The following TXNDC5 variants were observed in gnomAD, a reference collection of about 807,000 sequenced individuals.
TXNDC5 encodes thioredoxin domain-containing protein 5.
Under a neutral mutation model 52.6 loss-of-function variants are expected in TXNDC5, and 44 were observed. That is an observed-to-expected ratio of 0.84 (90% CI 0.66 to 1.08). The LOEUF (loss-of-function observed/expected upper bound fraction) is 1.08, where lower values mean the gene tolerates loss of function less well. Ranked by LOEUF, TXNDC5 falls within the 50% of genes least tolerant of loss-of-function variation. The pLI is 0.00. For synonymous variants in TXNDC5, 241 were observed against 234.4 expected, an observed-to-expected ratio of 1.03 and a Z score of -0.26; for missense variants, 600 against 565.5, an observed-to-expected ratio of 1.06 and a Z score of -0.62.
At position 7,895,129 on chromosome 6, in the gene TXNDC5, T is replaced by C; in HGVS notation, c.593A>G (p.Asn198Ser). The change falls in exon 4 of 10, where the codon AAC becomes AGC. Residue 198 changes from asparagine (N) to serine (S), a missense_variant. Asn to Ser is a conservative substitution (Grantham distance 46). Transcript: ENST00000379757. ...KQGLYELSAS[N>S]FELHVAQGDH... ...ACCTTGTGCAACGTGCAGCTCAAAG[T>C]TGCTTGCTGAGAGCTCATACAGCCC... The C allele has an allele frequency of 1.2e-6, 2 of 1,613,870 alleles. No individual in the cohort carries two copies. Among genetic ancestry groups the C allele is most frequent in the South Asian group, 1.1e-5 (1 of 90,922 alleles).
intron 1 of TXNDC5, chr6:7,909,857 T>C (rs1439902428): frequency 3.0e-6 from 3 of 985,904 alleles, no homozygotes; most frequent in East Asian, 2.3e-4. Context: ...GAAGGGGACG[T>C]GCCCGCAGTC....
intron 3 of TXNDC5, among the ~76,000 whole-genome samples, chr6:7,897,152 A>G (rs925772193): frequency 6.6e-5 from 10 of 152,372 alleles, no homozygotes; most frequent in African/African-American, 1.9e-4. Context: ...ATAAAATAAT[A>G]TAAGACATGA....
At chr6:7,896,678 C>G (rs987303667) in intron 3 of TXNDC5, among the ~76,000 whole-genome samples, 2 of 152,190 alleles carry the variant, frequency 1.3e-5, no homozygotes, top group Non-Finnish European at 2.9e-5. Flanking sequence ...AGTGAACAGT[C>G]AATGGGTGCA....
chr6:7,901,825 A>G (rs1226908957), intron 2 of TXNDC5, among the ~76,000 whole-genome samples: 3 of 152,248 alleles, frequency 2.0e-5, no homozygotes, highest in Non-Finnish European at 4.4e-5. Flanking sequence ...CAGCATGATG[A>G]AAGTTCTACT....
In TXNDC5 at chr6:7,885,956, C is replaced by G; in HGVS notation, c.1046+5G>C. On this transcript the variant is annotated splice_donor_5th_base_variant and intron_variant, in intron 8 of 9. Coordinates refer to ENST00000379757, the MANE Select transcript of TXNDC5 (RefSeq NM_030810.5). ...AAAGTAGTTTCTAATTAAACAGCCA[C>G]TTACCATGGAGCATAAAACTTGATG... The G allele has an allele frequency of 6.2e-7, 1 of 1,613,742 alleles. No individual in the cohort carries two copies.
At position 7,889,574 on chromosome 6, in the gene TXNDC5, C is replaced by T. The variant is rs1760122120; in HGVS notation, c.740G>A (p.Cys247Tyr). ...SETVKIGKVD[C>Y]TQHYELCSGN... ...GGAGCAGAGTTCATAGTGCTGTGTA[C>T]AATCAACCTGAGAATAAAAGCAGAT... is the stretch of plus-strand genomic sequence containing the variant. Residue 247 changes from cysteine (C) to tyrosine (Y), a missense_variant, in exon 6 of 10, where the codon TGT becomes TAT. Cys to Tyr is a radical substitution (Grantham distance 194). Transcript: ENST00000379757. 6.2e-7 allele frequency: 1 copy of T among 1,608,944 alleles called. No homozygotes were observed. Among genetic ancestry groups the T allele is most frequent in the African/African-American group, 1.3e-5 (1 of 74,896 alleles).
intron 6 of TXNDC5, chr6:7,889,239 GCA>G (rs990781711): frequency 6.2e-6 from 3 of 485,538 alleles, no homozygotes; most frequent in African/African-American, 5.8e-5. Flanking sequence ...TACAACCAGA[GCA>G]CAGTTACCCT....
intron 7 of TXNDC5, among the ~76,000 whole-genome samples, chr6:7,886,776 T>C (rs1182101960): frequency 6.6e-6 from 1 of 152,190 alleles, no homozygotes; most frequent in Non-Finnish European, 1.5e-5. Context: ...AGAGCAGGAA[T>C]GGGATGATTT....
At chr6:7,900,040 T>C (rs1017640920) in intron 2 of TXNDC5, 1 of 160,986 alleles carries the variant, frequency 6.2e-6, no homozygotes, top group Non-Finnish European at 1.4e-5. Flanking sequence ...AGTTGTTGTC[T>C]GTGTTCAAAT....
At chr6:7,885,922 C>T (rs1759957353) in intron 8 of TXNDC5, 39 bp downstream of exon 8, 6 of 1,597,940 alleles carry the variant, frequency 3.8e-6, no homozygotes, top group Non-Finnish European at 5.1e-6. Flanking sequence ...TGACTTAGTA[C>T]ACATGGACAA....
intron 8 of TXNDC5, 56 bp downstream of exon 8, chr6:7,885,905 C>T: frequency 6.5e-7 from 1 of 1,547,348 alleles, no homozygotes; most frequent in South Asian, 1.2e-5. Context: ...AGCTGAAAAA[C>T]ATGATGTGAC....
chr6:7,885,261 G>A (rs533719145), intron 8 of TXNDC5, among the ~76,000 whole-genome samples: 1 of 152,322 alleles, frequency 6.6e-6, no homozygotes, highest in East Asian at 1.9e-4. Flanking sequence ...ATCTACTGTT[G>A]TCCTAACACT....
In TXNDC5 at chr6:7,899,622, TG is replaced by T; in HGVS notation, c.472del (p.Gln158ArgfsTer11). Reference sequence around the variant, plus strand: ...CTGCAGCATCCAGTTTTCCAGTGTCTGGAAGTCCCGAGGACCCTGGTACTTC... The same window carrying T: ...CTGCAGCATCCAGTTTTCCAGTGTCTGAAGTCCCGAGGACCCTGGTACTTC... ...AVKYQGPRDF[Q>X]TLENWMLQTL... On this transcript the variant is annotated frameshift_variant, in exon 3 of 10. Transcript: ENST00000379757. LOFTEE classifies it high-confidence loss of function. 1 of 1,614,168 alleles carries T rather than the reference TG, an allele frequency of 6.2e-7. No homozygotes were observed. The highest frequency in any genetic ancestry group is 1.7e-5 in the Admixed American group (1 of 60,024).
At chr6:7,883,287 A>T (rs780029317) in intron 9 of TXNDC5, 21 bp from the exon 10 acceptor site, 1 of 1,610,638 alleles carries the variant, frequency 6.2e-7, no homozygotes, top group Non-Finnish European at 8.5e-7. Context: ...AAAAGAAAAA[A>T]GTTTGCAAAC....
In TXNDC5 at chr6:7,894,947, G is replaced by A. The variant is rs140433720; in HGVS notation, c.616+159C>T. 16 of 984,496 alleles carry A rather than the reference G, an allele frequency of 1.6e-5. No homozygotes were observed. The East Asian group carries it at 1.6e-3, about 98-fold the overall frequency. 61.0% of individuals were successfully genotyped at this position (984,496 alleles called of 1,614,324 possible). ...AAGGAGAACTCATGTTTTAGAGGAG[G>A]TGCACTGAACAACGGTCCCAACAGC... On this transcript the variant is annotated intron_variant, in intron 4 of 9. Transcript: ENST00000379757.
chr6:7,890,488 G>A (rs183164492), intron 5 of TXNDC5, among the ~76,000 whole-genome samples: 5 of 152,228 alleles, frequency 3.3e-5, no homozygotes, highest in African/African-American at 4.8e-5. Flanking sequence ...GTCTGCTCAC[G>A]CCTAGGTCTG....
Position 7,884,432 on chromosome 6 carries a change from A to T in TXNDC5, c.1103T>A (p.Phe368Tyr). The change falls in exon 9 of 10, where the codon TTC (phenylalanine) becomes TAC (tyrosine). Residue 368 changes from phenylalanine to tyrosine, a missense_variant. Phe to Tyr is a conservative substitution (Grantham distance 22). Coordinates refer to ENST00000379757, the MANE Select transcript of TXNDC5 (RefSeq NM_030810.5). ...PTWEELSKKEFPGLAGVKIAE... is the reference protein window; with the variant it reads ...PTWEELSKKEYPGLAGVKIAE... The stretch of plus-strand genomic sequence containing the variant: ...GATCTTGACCCCCGCCAGACCAGGG[A>T]ATTCCTTTTTAGAGAGTTCCTCCCA... The T allele has an allele frequency of 1.2e-6, 2 of 1,614,100 alleles. No homozygotes were observed. The highest frequency in any genetic ancestry group is 1.7e-6 in the Non-Finnish European group (2 of 1,179,984).
rs1759824726 is a variant in TXNDC5 at position 7,883,089 on chromosome 6, C to T, written c.*55G>A. 1.2e-6 allele frequency: 2 copies of T among 1,610,736 alleles called. No individual in the cohort carries two copies. The highest frequency in any genetic ancestry group is 1.7e-6 in the Non-Finnish European group (2 of 1,177,964). ...ACCCAGTGGCCTCTGTGGGACTGAA[C>T]TCCTAAACGCAGGGTGCGGGAGCTG... On this transcript the variant is annotated 3_prime_UTR_variant, in exon 10 of 10. Coordinates refer to ENST00000379757, the MANE Select transcript of TXNDC5 (RefSeq NM_030810.5).
At chr6:7,889,244 GTTACCC>G in intron 6 of TXNDC5, 1 of 498,380 alleles carries the variant, frequency 2.0e-6, no homozygotes, top group Non-Finnish European at 3.6e-6. Context: ...CCAGAGCACA[GTTACCC>G]TGTGACTGTA....
Sources: allele counts gnomAD v4.1 joint callset (sites outside exome capture counted in the v4.1 genomes callset), GRCh38; gene constraint gnomAD v4.1.1; transcripts MANE v1.5; gene names NCBI Gene and HGNC (gene_info 2026-07-23, HGNC 2026-07-21).